FAM171A1: variants seen among roughly 807,000 people sequenced by gnomAD.
FAM171A1 encodes the protein protein FAM171A1.
FAM171A1 carries 23 observed loss-of-function variants against 74.9 expected under a neutral mutation model. That is an observed-to-expected ratio of 0.31 (90% CI 0.22 to 0.44). The LOEUF is 0.44. Among genes scored for constraint, FAM171A1 ranks in the 20% least tolerant of loss-of-function variants. The pLI is 1.00. For missense variants in FAM171A1, 1,162 were observed against 1,159.2 expected (o/e 1.00, Z -0.03); for synonymous variants, 527 against 505.7 (o/e 1.04, Z -0.57).
Position 15,213,075 on chromosome 10 carries a change from C to T in FAM171A1, c.2513G>A (p.Arg838Gln), listed in dbSNP as rs371474820. ...LPSLQEETTR[R>Q]TADAPSEPAA... The stretch of plus-strand genomic sequence containing the variant: ...TGGCTCCGAGGGGGCATCCGCAGTC[C>T]GTCTGGTCGTCTCCTCCTGCAGGCT... Residue 838 changes from arginine (R) to glutamine (Q), a missense_variant, in exon 8 of 8, where the codon CGG becomes CAG. Arg to Gln is a conservative substitution (Grantham distance 43). Transcript: ENST00000378116. This position sits in a 1 kb window ranked among gnomAD's most constrained non-coding sequence, Gnocchi z 6.8. 2 of 1,613,624 alleles carry T rather than the reference C, an allele frequency of 1.2e-6. No individual in the cohort carries two copies. The highest frequency in any genetic ancestry group is 1.1e-5 in the South Asian group (1 of 91,012).
chr10:15,245,348 T>G (rs764229424), intron 5 of FAM171A1, among the ~76,000 whole-genome samples: 1 of 152,252 alleles, frequency 6.6e-6, no homozygotes, highest in Non-Finnish European at 1.5e-5. Context: ...ATTACAGGCA[T>G]GAGCCATGGT....
intron 1 of FAM171A1, among the ~76,000 whole-genome samples, chr10:15,364,901 G>A (rs1339869480): frequency 6.6e-6 from 1 of 152,110 alleles, no homozygotes; most frequent in African/African-American, 2.4e-5. Flanking sequence ...TCCCTCTTGT[G>A]ATTGATTACA....
chr10:15,303,753 A>T (rs1173037861), intron 1 of FAM171A1, among the ~76,000 whole-genome samples: 3 of 152,238 alleles, frequency 2.0e-5, no homozygotes, highest in African/African-American at 7.2e-5. Context: ...AGACGTATAT[A>T]CTGTACCAAA....
chr10:15,342,094 C>T (rs948651351), intron 1 of FAM171A1, among the ~76,000 whole-genome samples: 1 of 152,262 alleles, frequency 6.6e-6, no homozygotes, highest in African/African-American at 2.4e-5. Context: ...CTTTATGCTA[C>T]TTTGATTGAC....
At chr10:15,274,114 A>G (rs753262971) in intron 3 of FAM171A1, among the ~76,000 whole-genome samples, 11 of 152,248 alleles carry the variant, frequency 7.2e-5, no homozygotes, top group Non-Finnish European at 1.6e-4. Context: ...TGCAGATGAC[A>G]TGATTGTATA....
intron 3 of FAM171A1, among the ~76,000 whole-genome samples, chr10:15,262,304 G>A (rs866095328): frequency 3.3e-5 from 5 of 152,300 alleles, no homozygotes; most frequent in Middle Eastern, 3.4e-3. Flanking sequence ...TTATTCAAGT[G>A]AGAAATGATA....
intron 1 of FAM171A1, among the ~76,000 whole-genome samples, chr10:15,324,765 A>C (rs1370104648): frequency 1.3e-5 from 2 of 152,184 alleles, no homozygotes; most frequent in Admixed American, 6.5e-5. Flanking sequence ...AAAAAAGGAC[A>C]AAAAAACCAA....
rs539442684 is a variant in FAM171A1, at chr10:15,290,831, C to G, written c.98-6726G>C. Among the ~76,000 whole-genome samples, 12 of 152,250 alleles carry G rather than the reference C, an allele frequency of 7.9e-5. No individual in the cohort carries two copies. The South Asian group carries it at 1.5e-3, about 18-fold the overall frequency. ...GTTTACCACTGAATTAAAACTCCCA[C>G]GGAGAGAGCTTTGTGCAGGGGCCCT... On this transcript the variant is annotated intron_variant, in intron 1 of 7. Transcript: ENST00000378116.
chr10:15,218,882 A>T (rs900165439), intron 6 of FAM171A1, among the ~76,000 whole-genome samples: 2 of 152,076 alleles, frequency 1.3e-5, no homozygotes, highest in Non-Finnish European at 2.9e-5. Flanking sequence ...GGTGTGAGCT[A>T]CCATGCCCTG....
intron 1 of FAM171A1, among the ~76,000 whole-genome samples, chr10:15,311,970 T>G (rs1414012784): frequency 6.6e-6 from 1 of 152,184 alleles, no homozygotes; most frequent in African/African-American, 2.4e-5. Flanking sequence ...TTATTTACTG[T>G]TACAGTGAGG....
intron 3 of FAM171A1, among the ~76,000 whole-genome samples, chr10:15,258,474 A>G (rs1477050520): frequency 2.0e-5 from 3 of 152,040 alleles, no homozygotes; most frequent in Non-Finnish European, 4.4e-5. Flanking sequence ...CTCTTTCTCT[A>G]TAGGCTTTTC....
chr10:15,279,644 G>C (rs552648641), intron 2 of FAM171A1, among the ~76,000 whole-genome samples: 5 of 152,182 alleles, frequency 3.3e-5, no homozygotes, highest in Non-Finnish European at 7.3e-5. Context: ...TGCCGGCCAG[G>C]CTTGGTGGCT....
chr10:15,219,577 A>G (rs1430280668), intron 6 of FAM171A1, among the ~76,000 whole-genome samples: 1 of 152,126 alleles, frequency 6.6e-6, no homozygotes, highest in Non-Finnish European at 1.5e-5. Flanking sequence ...AGGGAAACAC[A>G]TTAATCTTTT....
intron 2 of FAM171A1, among the ~76,000 whole-genome samples, chr10:15,279,362 A>C (rs1205196771): frequency 1.3e-5 from 2 of 152,124 alleles, no homozygotes; most frequent in Non-Finnish European, 2.9e-5. Flanking sequence ...ACCAGCAGGG[A>C]CTTCCCGGGG....
At chr10:15,252,728 T>G (rs771774560) in intron 4 of FAM171A1, among the ~76,000 whole-genome samples, 5 of 152,210 alleles carry the variant, frequency 3.3e-5, no homozygotes, top group Non-Finnish European at 7.3e-5. Context: ...GGAAGAGAAA[T>G]TTCATGTCAC....
intron 1 of FAM171A1, among the ~76,000 whole-genome samples, chr10:15,293,752 G>A (rs1284531144): frequency 6.6e-6 from 1 of 152,154 alleles, no homozygotes; most frequent in Admixed American, 6.5e-5. Flanking sequence ...CATGCAAACT[G>A]GCCCTGATTG....
chr10:15,370,166 A>T (rs1316826302), intron 1 of FAM171A1, among the ~76,000 whole-genome samples: 2 of 151,864 alleles, frequency 1.3e-5, no homozygotes, highest in Non-Finnish European at 2.9e-5. Flanking sequence ...CCAGGGCTGG[A>T]AAGCAGATTT....
chr10:15,337,401 A>T (rs1457821475), intron 1 of FAM171A1, among the ~76,000 whole-genome samples: 1 of 152,246 alleles, frequency 6.6e-6, no homozygotes, highest in Non-Finnish European at 1.5e-5. Flanking sequence ...TAGTTTCAAT[A>T]CATCAAAGGC....
chr10:15,325,799 A>C (rs1387758531), intron 1 of FAM171A1, among the ~76,000 whole-genome samples: 1 of 152,108 alleles, frequency 6.6e-6, no homozygotes, highest in African/African-American at 2.4e-5. Context: ...CGGGACATTG[A>C]GTGTGAATGC....
Sources: allele counts gnomAD v4.1 joint callset (sites outside exome capture counted in the v4.1 genomes callset), GRCh38; gene constraint gnomAD v4.1.1; non-coding constraint Gnocchi (gnomAD v3.1); transcripts MANE v1.5; gene names NCBI Gene and HGNC (gene_info 2026-07-23, HGNC 2026-07-21).